AGBL1: variants seen among roughly 807,000 people sequenced by gnomAD.
AGBL1 encodes cytosolic carboxypeptidase 4.
In AGBL1, 130 loss-of-function variants were observed where a neutral mutation model predicts 118.9. The ratio of observed to expected loss-of-function variants is 1.09; its 90% confidence interval spans 0.95 to 1.26. The LOEUF is 1.26. AGBL1 is among the 50% of genes most tolerant of loss of function. AGBL1 has a pLI of 0.00. For missense variants in AGBL1, 1,584 were observed against 1,298.1 expected (o/e 1.22, Z -3.38); for synonymous variants, 555 against 478.9 (o/e 1.16, Z -2.08).
At chr15:86,349,232 C>T (rs1414834320) in intron 17 of AGBL1, among the ~76,000 whole-genome samples, 1 of 152,170 alleles carries the variant, frequency 6.6e-6, no homozygotes, top group East Asian at 1.9e-4. Context: ...AATATAAAGC[C>T]ATTGTTTTAA....
intron 18 of AGBL1, 41 bp from the exon 19 acceptor site, chr15:86,522,769 T>C (rs773796729): frequency 1.2e-5 from 20 of 1,600,362 alleles, no homozygotes; most frequent in Non-Finnish European, 1.6e-5. Flanking sequence ...AGTTATTTTC[T>C]TCTGAATGTG....
At chr15:86,671,972 C>G (rs1453207421) in intron 21 of AGBL1, among the ~76,000 whole-genome samples, 1 of 152,146 alleles carries the variant, frequency 6.6e-6, no homozygotes, top group East Asian at 1.9e-4. Context: ...AGGAGGTCAT[C>G]TACATAAACA....
At chr15:86,641,865 C>A (rs1183728755) in intron 21 of AGBL1, among the ~76,000 whole-genome samples, 1 of 152,174 alleles carries the variant, frequency 6.6e-6, no homozygotes, top group Non-Finnish European at 1.5e-5. Flanking sequence ...AACAAGCATT[C>A]ATTTTCAGGC....
chr15:86,725,928 C>G (rs1013196806), intron 22 of AGBL1, among the ~76,000 whole-genome samples: 1 of 152,094 alleles, frequency 6.6e-6, no homozygotes, highest in Non-Finnish European at 1.5e-5. Flanking sequence ...AAGGACAGAG[C>G]CATATCTTAT....
chr15:86,713,310 C>G (rs1010442272), intron 22 of AGBL1, among the ~76,000 whole-genome samples: 1 of 152,124 alleles, frequency 6.6e-6, no homozygotes, highest in African/African-American at 2.4e-5. Flanking sequence ...CAGAAGAGAG[C>G]ATTGGAATTA....
intron 17 of AGBL1, among the ~76,000 whole-genome samples, chr15:86,373,672 C>T (rs1938766408): frequency 6.6e-6 from 1 of 152,090 alleles, no homozygotes; most frequent in African/African-American, 2.4e-5. Context: ...TCAAGAGCCC[C>T]TTGGACAAAG....
chr15:86,576,297 T>C (rs576567956), intron 21 of AGBL1, among the ~76,000 whole-genome samples: 4 of 152,074 alleles, frequency 2.6e-5, no homozygotes, highest in African/African-American at 9.6e-5. Context: ...AAAATTTAAT[T>C]GAGAGAAAAA....
At chr15:86,105,933 G>T (rs1295917985) in intron 1 of AGBL1, among the ~76,000 whole-genome samples, 1 of 152,198 alleles carries the variant, frequency 6.6e-6, no homozygotes. Flanking sequence ...AATTACACTA[G>T]TATTTCTAGA....
chr15:86,874,803 A>T (rs1286844451), intron 22 of AGBL1, among the ~76,000 whole-genome samples: 1 of 152,200 alleles, frequency 6.6e-6, no homozygotes, highest in Non-Finnish European at 1.5e-5. Flanking sequence ...AACACATATG[A>T]ACCAGACATA....
At chr15:86,134,952 T>C (rs2076869754) in intron 1 of AGBL1, among the ~76,000 whole-genome samples, 1 of 151,854 alleles carries the variant, frequency 6.6e-6, no homozygotes, top group South Asian at 2.1e-4. Flanking sequence ...TTGACTGCTA[T>C]GTTTTGAATA....
chr15:86,994,714 T>C (rs1442314325), intron 24 of AGBL1, among the ~76,000 whole-genome samples: 1 of 152,178 alleles, frequency 6.6e-6, no homozygotes, highest in Non-Finnish European at 1.5e-5. Context: ...TATTTAAAAA[T>C]CACATATACC....
chr15:86,095,647 C>T (rs2201669), intron 1 of AGBL1, among the ~76,000 whole-genome samples: 4,866 of 15,466 alleles, frequency 0.31, 1,522 homozygotes, highest in Middle Eastern at 0.57. Flanking sequence ...CCTTGGATAC[C>T]TTTTTTTTTT....
chr15:86,242,898 T>G (rs1317290781), intron 6 of AGBL1, among the ~76,000 whole-genome samples: 1 of 152,196 alleles, frequency 6.6e-6, no homozygotes, highest in East Asian at 1.9e-4. Flanking sequence ...AGAAATTCAA[T>G]TTTTTGAGTC....
At chr15:87,009,633 C>T (rs906805764) in intron 24 of AGBL1, among the ~76,000 whole-genome samples, 4 of 149,624 alleles carry the variant, frequency 2.7e-5, no homozygotes, top group Non-Finnish European at 6.0e-5. Context: ...GGAAAAGCCA[C>T]AGACACTCAA....
At chr15:86,322,576 G>A (rs921564394) in intron 17 of AGBL1, among the ~76,000 whole-genome samples, 1 of 151,942 alleles carries the variant, frequency 6.6e-6, no homozygotes, top group Non-Finnish European at 1.5e-5. Flanking sequence ...GTTTTTATTT[G>A]TAATATCGCA....
At chr15:86,758,565 G>A (rs979788194) in intron 22 of AGBL1, among the ~76,000 whole-genome samples, 1 of 152,048 alleles carries the variant, frequency 6.6e-6, no homozygotes, top group African/African-American at 2.4e-5. Context: ...TTAGGTGCTC[G>A]ATAAGCATCT....
At chr15:86,733,141 A>G (rs2077548588) in intron 22 of AGBL1, among the ~76,000 whole-genome samples, 1 of 151,550 alleles carries the variant, frequency 6.6e-6, no homozygotes, top group South Asian at 2.1e-4. Context: ...ATGGTATCCA[A>G]GAAGTCTCAA....
chr15:86,734,374 G>C (rs963784710), intron 22 of AGBL1, among the ~76,000 whole-genome samples: 11 of 152,122 alleles, frequency 7.2e-5, no homozygotes, highest in Non-Finnish European at 1.6e-4. Flanking sequence ...TGGCATGACA[G>C]GTTTCATGAA....
At chr15:86,560,129 C>A (rs769192893) in intron 21 of AGBL1, among the ~76,000 whole-genome samples, 3 of 150,806 alleles carry the variant, frequency 2.0e-5, no homozygotes, top group Non-Finnish European at 2.9e-5. Flanking sequence ...TGCAATTTTT[C>A]TTTTTTTTCT....
Sources: allele counts gnomAD v4.1 joint callset (sites outside exome capture counted in the v4.1 genomes callset), GRCh38; gene constraint gnomAD v4.1.1; transcripts MANE v1.5; gene names NCBI Gene and HGNC (gene_info 2026-07-23, HGNC 2026-07-21).